Variants in EYA4 observed in about 807,000 individuals in gnomAD.
EYA4 encodes EYA transcriptional coactivator and phosphatase 4, also known as protein phosphatase EYA4.
EYA4 carries 31 observed loss-of-function variants against 87.9 expected under a neutral mutation model. That is an observed-to-expected ratio of 0.35 (90% CI 0.27 to 0.48). EYA4 has a LOEUF of 0.48. Ranked by LOEUF, EYA4 falls within the 20% of genes least tolerant of loss-of-function variation. The pLI, the probability that EYA4 is intolerant of heterozygous loss-of-function variation, is 0.99. For synonymous variants in EYA4, 263 were observed against 270.6 expected, an observed-to-expected ratio of 0.97 and a Z score of 0.28; for missense variants, 678 against 761.4, an observed-to-expected ratio of 0.89 and a Z score of 1.29.
At chr6:133,459,852 T>G (rs1297809941) in intron 6 of EYA4, among the ~76,000 whole-genome samples, 7 of 152,120 alleles carry the variant, frequency 4.6e-5, no homozygotes, top group Non-Finnish European at 1.0e-4. Context: ...ACACCTTTAG[T>G]CAAATTTGAT....
chr6:133,312,404 A>G (rs1369935591), intron 2 of EYA4, among the ~76,000 whole-genome samples: 3 of 152,048 alleles, frequency 2.0e-5, no homozygotes, highest in Non-Finnish European at 2.9e-5. Flanking sequence ...ACACACACAC[A>G]CACACAGAGA....
intron 2 of EYA4, among the ~76,000 whole-genome samples, chr6:133,299,079 C>T (rs28405267): frequency 0.12 from 17,960 of 152,064 alleles, 1,330 homozygotes; most frequent in Non-Finnish European, 0.17. Context: ...TTACCACAAG[C>T]GACTTGGGGG....
intron 11 of EYA4, among the ~76,000 whole-genome samples, chr6:133,473,765 A>ATCTG (rs1207719364): frequency 7.2e-5 from 11 of 151,846 alleles, no homozygotes; most frequent in Non-Finnish European, 1.5e-4. Flanking sequence ...CTCCCTGGGT[A>ATCTG]TCTGTACCCC....
intron 2 of EYA4, among the ~76,000 whole-genome samples, chr6:133,306,456 G>A (rs1779819149): frequency 6.6e-6 from 1 of 152,200 alleles, no homozygotes; most frequent in South Asian, 2.1e-4. Context: ...ACCTGGCACA[G>A]CCTTAATTTG....
At chr6:133,304,971 T>G (rs1007209007) in intron 2 of EYA4, among the ~76,000 whole-genome samples, 2 of 152,080 alleles carry the variant, frequency 1.3e-5, no homozygotes, top group African/African-American at 4.8e-5. Context: ...GGGACTAGGT[T>G]AGGAGCGAGG....
chr6:133,379,309 T>A (rs1049495124), intron 2 of EYA4, among the ~76,000 whole-genome samples: 3 of 152,114 alleles, frequency 2.0e-5, no homozygotes, highest in African/African-American at 7.2e-5. Flanking sequence ...TTCTTTCTTA[T>A]ATAGCATATA....
chr6:133,334,628 A>G (rs922866960), intron 2 of EYA4, among the ~76,000 whole-genome samples: 14 of 152,316 alleles, frequency 9.2e-5, no homozygotes, highest in East Asian at 1.9e-4. Flanking sequence ...TAGTTTTCCT[A>G]CATGAGTCTG....
At chr6:133,450,110 C>T (rs212781) in intron 5 of EYA4, among the ~76,000 whole-genome samples, 56,975 of 151,660 alleles carry the variant, frequency 0.38, 13,917 homozygotes, top group Non-Finnish European at 0.54. Context: ...CTCAGCCTCC[C>T]GAGTAGCTGG....
intron 3 of EYA4, among the ~76,000 whole-genome samples, chr6:133,420,223 G>A (rs1270658863): frequency 2.0e-5 from 3 of 152,180 alleles, no homozygotes; most frequent in African/African-American, 7.2e-5. Context: ...TCACTATTAA[G>A]AGAATGAACA....
chr6:133,512,337 TAA>T lies in EYA4; in HGVS notation c.1282-383_1282-382del, dbSNP rs955837162. 1.1e-3 allele frequency among the ~76,000 whole-genome samples: 167 copies of T among 152,330 alleles called. 1 individual carries two copies. The highest frequency in any genetic ancestry group is 3.9e-3 in the African/African-American group (164 of 41,576). On this transcript the variant is annotated intron_variant, in intron 14 of 19. Transcript: ENST00000355286. ...TAGTAACCATCTGAGGTGTTCAGAC[TAA>T]GTTTTGTGTATCTTCAGATTAGCCA... is the stretch of plus-strand genomic sequence containing the variant.
At chr6:133,370,110 G>C (rs1785155147) in intron 2 of EYA4, among the ~76,000 whole-genome samples, 1 of 152,176 alleles carries the variant, frequency 6.6e-6, no homozygotes, top group Non-Finnish European at 1.5e-5. Context: ...GGCTACCTGG[G>C]TGTTGGTTAG....
intron 2 of EYA4, among the ~76,000 whole-genome samples, chr6:133,291,238 T>C (rs528514046): frequency 6.6e-6 from 1 of 152,342 alleles, no homozygotes; most frequent in South Asian, 2.1e-4. Context: ...ACAATAGACT[T>C]AAGTTGTATT....
At chr6:133,409,262 C>T (rs1055667308) in intron 3 of EYA4, among the ~76,000 whole-genome samples, 1 of 151,874 alleles carries the variant, frequency 6.6e-6, no homozygotes, top group African/African-American at 2.4e-5. Context: ...TCACAATAAC[C>T]AAGATATGGA....
chr6:133,432,732 A>T (rs946478077), intron 3 of EYA4, among the ~76,000 whole-genome samples: 3 of 151,484 alleles, frequency 2.0e-5, no homozygotes, highest in African/African-American at 7.3e-5. Flanking sequence ...AAGGTCAGGG[A>T]CTTATCACAG....
chr6:133,277,422 A>C (rs1202980962), intron 2 of EYA4, among the ~76,000 whole-genome samples: 4 of 152,190 alleles, frequency 2.6e-5, no homozygotes, highest in Admixed American at 2.6e-4. Context: ...TATAAATCAG[A>C]CTTCCCTGTC....
intron 2 of EYA4, among the ~76,000 whole-genome samples, chr6:133,298,245 G>T (rs1453953579): frequency 6.6e-6 from 1 of 152,072 alleles, no homozygotes; most frequent in African/African-American, 2.4e-5. Context: ...GTCTATCTTT[G>T]CTTTTTGGCA....
upstream of EYA4, chr6:133,241,331 A>G (rs1773920979): frequency 6.6e-6 from 1 of 151,738 alleles, no homozygotes; most frequent in African/African-American, 2.4e-5. Flanking sequence ...AGCGCGGCGC[A>G]CGCTCCGGCC....
In EYA4 at chr6:133,513,015, A is replaced by G; in HGVS notation, c.1478A>G (p.Asn493Ser). 3.1e-6 allele frequency: 5 copies of G among 1,614,080 alleles called. No homozygotes were observed. Among genetic ancestry groups the G allele is most frequent in the Non-Finnish European group, 4.2e-6 (5 of 1,179,992 alleles). ...TACAGAAGAGTAAAAGAATTATATA[A>G]CACCTACAAGAACAACGTTGGAGGT... ...FRYRRVKELY[N>S]TYKNNVGGLL... The change falls in exon 16 of 20, where the codon AAC becomes AGC. Residue 493 changes from asparagine (N) to serine (S), a missense_variant. Coordinates refer to ENST00000355286, the MANE Select transcript of EYA4 (RefSeq NM_004100.5).
chr6:133,289,982 TA>T (rs1212743001), intron 2 of EYA4, among the ~76,000 whole-genome samples: 4 of 152,196 alleles, frequency 2.6e-5, no homozygotes, highest in Non-Finnish European at 4.4e-5. Flanking sequence ...TTGCTTTCAT[TA>T]TTTTGCCTAA....
Sources: gnomAD v4.1 joint callset for allele counts (sites outside exome capture counted in the v4.1 genomes callset) on GRCh38, gnomAD v4.1.1 for gene constraint, MANE v1.5 for transcripts, NCBI Gene and HGNC (gene_info 2026-07-23, HGNC 2026-07-21) for gene names.